PIN4: variants seen among roughly 807,000 people sequenced by gnomAD.
PIN4 encodes the protein peptidyl-prolyl cis-trans isomerase NIMA-interacting 4.
In PIN4, 3 loss-of-function variants were observed where a neutral mutation model predicts 8.3. That is an observed-to-expected ratio of 0.36 (90% CI 0.16 to 0.93). The LOEUF is 0.93. Among genes scored for constraint, PIN4 ranks in the 40% least tolerant of loss-of-function variants. The pLI is 0.44. For missense variants in PIN4, 75 were observed against 100.6 expected (o/e 0.75, Z 1.09); for synonymous variants, 18 against 32.5 (o/e 0.55, Z 1.52).
At chrX:72,200,161 C>CA (rs1176406555), downstream of PIN4, among the ~76,000 whole-genome samples, 108 of 44,389 alleles carry the variant, frequency 2.4e-3, no homozygotes, top group Admixed American at 3.3e-3. Context: ...AAAACTGTCT[C>CA]AAAAAAAAAA....
chrX:72,236,774 C>A lies in PIN4; in HGVS notation c.313-25933C>A, dbSNP rs1354659548. On this transcript the variant is annotated intron_variant, in intron 3 of 3. Coordinates refer to the PIN4 transcript ENST00000423432. ...TTCATTCAATATCATTTTGCTGCAA[C>A]ACTGATGAGAAAAAAATTGGTTTTG... Among the ~76,000 whole-genome samples the A allele has an allele frequency of 5.4e-5, 6 of 111,872 alleles. No homozygotes were observed. The East Asian group carries it at 1.7e-3, about 31-fold the overall frequency.
exon 4 of PIN4, chrX:72,263,191 G>A (rs779439353): frequency 8.1e-6 from 1 of 123,184 alleles, no homozygotes; most frequent in South Asian, 3.1e-4. Flanking sequence ...GGGAAGAAGA[G>A]AGAAATGGTG....
chrX:72,197,304 A>G (rs2042771610), intron 3 of PIN4, 64 bp from the exon 4 acceptor site: 5 of 1,033,293 alleles, frequency 4.8e-6, no homozygotes, highest in Non-Finnish European at 6.6e-6. Flanking sequence ...AATTCTCTCA[A>G]GCTACAGTAG....
intron 3 of PIN4, chrX:72,238,955 C>T (rs41298504): frequency 0.072 from 67,154 of 933,102 alleles, 4,488 homozygotes; most frequent in East Asian, 0.47. Flanking sequence ...GAGTTTGGAG[C>T]TTGGAGCTTG....
chrX:72,252,358 C>T (rs1366237654), intron 3 of PIN4, among the ~76,000 whole-genome samples: 1 of 108,623 alleles, frequency 9.2e-6, no homozygotes, highest in Non-Finnish European at 1.9e-5. Context: ...AGGCATGAGC[C>T]ACTTAGTGCC....
intron 3 of PIN4, chrX:72,208,169 T>A: frequency 8.3e-7 from 1 of 1,211,914 alleles, no homozygotes; most frequent in Non-Finnish European, 1.1e-6. Flanking sequence ...TGGTATGTAG[T>A]GATAATAACA....
chrX:72,212,897 C>T (rs1306334399), intron 3 of PIN4, among the ~76,000 whole-genome samples: 1 of 111,268 alleles, frequency 9.0e-6, no homozygotes, highest in African/African-American at 3.3e-5. Context: ...GAGCTATGAT[C>T]GTGTCACCAC....
chrX:72,202,558 G>T (rs1004997921), downstream of PIN4, among the ~76,000 whole-genome samples: 3 of 111,844 alleles, frequency 2.7e-5, no homozygotes, highest in East Asian at 8.4e-4. Flanking sequence ...GATGTGTAGG[G>T]CGCAGCTACT....
chrX:72,229,744 G>A (rs2042972898), intron 3 of PIN4, among the ~76,000 whole-genome samples: 3 of 111,745 alleles, frequency 2.7e-5, no homozygotes, highest in South Asian at 3.8e-4. Context: ...AGAAAAGGAA[G>A]GGCCATCCAT....
At chrX:72,249,380 C>T (rs2043078715) in intron 3 of PIN4, among the ~76,000 whole-genome samples, 1 of 112,069 alleles carries the variant, frequency 8.9e-6, no homozygotes, top group African/African-American at 3.2e-5. Context: ...ATTGGTACAA[C>T]CACTTTGGAA....
intron 1 of PIN4, chrX:72,186,200 T>C: frequency 2.5e-6 from 1 of 392,160 alleles, no homozygotes; most frequent in South Asian, 3.0e-5. Context: ...TAAAACATTA[T>C]GAGATTTTTA....
chrX:72,210,703 A>G (rs1262824232), intron 3 of PIN4, among the ~76,000 whole-genome samples: 1 of 111,386 alleles, frequency 9.0e-6, no homozygotes, highest in East Asian at 2.8e-4. Flanking sequence ...TAGACTTCTT[A>G]GCACCAGCCT....
intron 3 of PIN4, among the ~76,000 whole-genome samples, chrX:72,230,889 C>T (rs1602451248): frequency 8.9e-6 from 1 of 112,054 alleles, no homozygotes; most frequent in East Asian, 2.8e-4. Context: ...TGCTTGAGCT[C>T]AGGAGCCCCA....
intron 3 of PIN4, among the ~76,000 whole-genome samples, chrX:72,255,490 C>T (rs1181974445): frequency 9.2e-6 from 1 of 108,873 alleles, no homozygotes; most frequent in Non-Finnish European, 1.9e-5. Flanking sequence ...CCGCGTGGTG[C>T]CCTCGGCCTT....
intron 2 of PIN4, among the ~76,000 whole-genome samples, chrX:72,190,094 A>G (rs2042724204): frequency 1.8e-5 from 2 of 110,470 alleles, no homozygotes; most frequent in Admixed American, 9.7e-5. Context: ...CAGACCCCCA[A>G]GCCCTCAAGC....
intron 3 of PIN4, among the ~76,000 whole-genome samples, chrX:72,236,062 A>G (rs1231401712): frequency 8.9e-6 from 1 of 112,226 alleles, no homozygotes. Flanking sequence ...GGTCCCAACA[A>G]TATCAAACAT....
At chrX:72,263,423 C>G (rs1264956012) in exon 4 of PIN4, 1 of 111,706 alleles carries the variant, frequency 9.0e-6, no homozygotes, top group Non-Finnish European at 1.9e-5. Context: ...AACAGGAGAC[C>G]ATTCAACAGG....
chrX:72,249,350 T>A (rs1463108943), intron 3 of PIN4, among the ~76,000 whole-genome samples: 1 of 112,577 alleles, frequency 8.9e-6, no homozygotes, highest in Non-Finnish European at 1.9e-5. Context: ...AAGTCTCATC[T>A]TTTGCTGGTG....
chrX:72,212,735 G>A (rs2042862882), intron 3 of PIN4, among the ~76,000 whole-genome samples: 1 of 112,052 alleles, frequency 8.9e-6, no homozygotes, highest in African/African-American at 3.2e-5. Context: ...GAGCCCAGGA[G>A]TTTGAGACTA....
Sources: allele counts gnomAD v4.1 joint callset (sites outside exome capture counted in the v4.1 genomes callset), GRCh38; gene constraint gnomAD v4.1.1; transcripts MANE v1.5; gene names NCBI Gene and HGNC (gene_info 2026-07-23, HGNC 2026-07-21).